The following PAQR9 variants were observed in gnomAD, a reference collection of about 807,000 sequenced individuals.
PAQR9 encodes the protein membrane progestin receptor epsilon.
Under a neutral mutation model 24.0 loss-of-function variants are expected in PAQR9, and 12 were observed. The observed-to-expected ratio is 0.50, with a 90% CI of 0.32 to 0.81. PAQR9 has a LOEUF of 0.81. Among genes scored for constraint, PAQR9 ranks in the 30% least tolerant of loss-of-function variants. PAQR9 has a pLI of 0.03. For synonymous variants in PAQR9, 266 were observed against 237.6 expected, an observed-to-expected ratio of 1.12 and a Z score of -1.10; for missense variants, 418 against 520.8, an observed-to-expected ratio of 0.80 and a Z score of 1.92.
At position 142,960,552 on chromosome 3, in the gene PAQR9, CA is replaced by C. The variant is rs1255064570; in HGVS notation, c.*1650del. 6.6e-6 allele frequency: 1 copy of C among 152,356 alleles called. No individual in the cohort carries two copies. The highest frequency in any genetic ancestry group is 1.5e-5 in the Non-Finnish European group (1 of 68,094). 9.4% of individuals were successfully genotyped at this position (152,356 alleles called of 1,614,324 possible). A position where few individuals can be genotyped will look rare whatever the true frequency, so the allele number is the denominator to read the frequency against. On this transcript the variant is annotated 3_prime_UTR_variant, in exon 1 of 1. Transcript: ENST00000340634. ...CTCCTGCTGAGCCAGTAAAGGCACACATGTCTCCAAACAAAACAAAACAAAA... is the reference window on the plus strand; with the variant it reads ...CTCCTGCTGAGCCAGTAAAGGCACACTGTCTCCAAACAAAACAAAACAAAA...
At chr3:142,953,070 C>T (rs551858080), downstream of PAQR9, among the ~76,000 whole-genome samples, 1 of 152,320 alleles carries the variant, frequency 6.6e-6, no homozygotes, top group African/African-American at 2.4e-5. Flanking sequence ...ACTCATTCCA[C>T]TACCAGCTTG....
At position 142,962,526 on chromosome 3, in the gene PAQR9, G is replaced by T. The variant is rs1051283155; in HGVS notation, c.811C>A (p.Pro271Thr). 1.2e-6 allele frequency: 2 copies of T among 1,613,546 alleles called. No individual in the cohort carries two copies. Among genetic ancestry groups the T allele is most frequent in the Admixed American group, 1.7e-5 (1 of 60,022 alleles). ...SWLFDLRGEN[P>T]TLFVHFYRRY... ...CGGTAGAAGTGCACGAAGAGTGTGG[G>T]GTTCTCCCCACGCAGGTCGAAGAGC... The change falls in exon 1 of 1, where the codon CCC becomes ACC. Residue 271 changes from proline (P) to threonine (T), a missense_variant. Pro to Thr is a conservative substitution (Grantham distance 38, BLOSUM62 -1). Coordinates refer to ENST00000340634, the MANE Select transcript of PAQR9 (RefSeq NM_198504.4).
At position 142,962,785 on chromosome 3, in the gene PAQR9, A is replaced by C; in HGVS notation, c.552T>G (p.Asp184Glu). 2 of 1,612,584 alleles carry C rather than the reference A, an allele frequency of 1.2e-6. No individual in the cohort carries two copies. Among genetic ancestry groups the C allele is most frequent in the Non-Finnish European group, 1.7e-6 (2 of 1,179,648 alleles). Residue 184 changes from aspartate to glutamate, a missense_variant, in exon 1 of 1, where the codon GAT becomes GAG. Transcript: ENST00000340634. ...GCAAGTATGGAGTCATGACTCTGGC[A>C]TCCAGCAAGCTGAGGCCTGGCAACA... ...YYLLPGLSLL[D>E]ARVMTPYLQQ...
In PAQR9 at chr3:142,960,727, TA is replaced by T. The variant is rs1165956862; in HGVS notation, c.*1475del. On this transcript the variant is annotated 3_prime_UTR_variant, in exon 1 of 1. Coordinates refer to ENST00000340634, the MANE Select transcript of PAQR9 (RefSeq NM_198504.4). ...TTAGCATTTGTAAGAAATGTCTAAA[TA>T]ACATTGGCTAATCTGTTTGTTAGAA... is the stretch of plus-strand genomic sequence containing the variant. 6.6e-6 allele frequency: 1 copy of T among 152,272 alleles called. No individual in the cohort carries two copies. Among genetic ancestry groups the T allele is most frequent in the Non-Finnish European group, 1.5e-5 (1 of 68,056 alleles). 9.4% of individuals were successfully genotyped at this position (152,272 alleles called of 1,614,324 possible).
Position 142,963,459 on chromosome 3 carries a change from T to A in PAQR9, c.-123A>T. On this transcript the variant is annotated 5_prime_UTR_variant, in exon 1 of 1. Coordinates refer to ENST00000340634, the MANE Select transcript of PAQR9 (RefSeq NM_198504.4). ...CCACGCCGGGGGCGTCGCTGCAGGT[T>A]TAGGAGAAGACCCGTGCCTCCGAGC... 2 of 1,043,902 alleles carry A rather than the reference T, an allele frequency of 1.9e-6. No homozygotes were observed. The highest frequency in any genetic ancestry group is 2.3e-6 in the Non-Finnish European group (2 of 870,456). The allele number at this position is 1,043,902 out of a possible 1,614,324, so 64.7% of individuals were successfully genotyped here. A position where few individuals can be genotyped will look rare whatever the true frequency, so the allele number is the denominator to read the frequency against.
rs1309192988 is a variant in PAQR9 at position 142,956,280 on chromosome 3, T to C, written c.*5923A>G. On this transcript the variant is annotated 3_prime_UTR_variant, in exon 1 of 1. Coordinates refer to ENST00000340634, the MANE Select transcript of PAQR9 (RefSeq NM_198504.4). ...GTGTACTGGGAGAAGCAGGGCCATC[T>C]TTACAGCACGGCCAAATGACCACCT... 6.6e-6 allele frequency among the ~76,000 whole-genome samples: 1 copy of C among 152,178 alleles called. No individual in the cohort carries two copies. The highest frequency in any genetic ancestry group is 1.5e-5 in the Non-Finnish European group (1 of 68,030).
In PAQR9 at chr3:142,957,608, C is replaced by T. The variant is rs140744911; in HGVS notation, c.*4595G>A. 1.5e-4 allele frequency among the ~76,000 whole-genome samples: 23 copies of T among 152,258 alleles called. No homozygotes were observed. The East Asian group carries it at 4.4e-3, about 29-fold the overall frequency. ...TTTATTACACTATAAAATTCAGACA[C>T]TTAAAGACATCTCAATTTAGGCACT... On this transcript the variant is annotated 3_prime_UTR_variant, in exon 1 of 1. Coordinates refer to ENST00000340634, the MANE Select transcript of PAQR9 (RefSeq NM_198504.4).
chr3:142,951,990 T>C (rs1439091319), downstream of PAQR9, among the ~76,000 whole-genome samples: 1 of 128,770 alleles, frequency 7.8e-6, no homozygotes, highest in Non-Finnish European at 1.6e-5. Context: ...GAGTGGGAGG[T>C]ACGAAAACAA....
chr3:142,962,970 A>C lies in PAQR9; in HGVS notation c.367T>G (p.Trp123Gly). ...AGCAGCACTCCCGACGCGTAGCACC[A>C]CAACGGTAGCAGCCACGGGTGGTGG... Reference protein sequence around the residue: ...PFHHPWLLPLWCYASGVLLTF... With the variant: ...PFHHPWLLPLGCYASGVLLTF... The change falls in exon 1 of 1, where the codon TGG becomes GGG. Residue 123 changes from tryptophan (W) to glycine (G), a missense_variant. Transcript: ENST00000340634. 1.2e-6 allele frequency: 2 copies of C among 1,614,084 alleles called. No homozygotes were observed. Among genetic ancestry groups the C allele is most frequent in the Non-Finnish European group, 1.7e-6 (2 of 1,180,010 alleles).
In PAQR9 at chr3:142,961,516, T is replaced by C. The variant is rs1934889417; in HGVS notation, c.*687A>G. 1 of 152,800 alleles carries C rather than the reference T, an allele frequency of 6.5e-6. No individual in the cohort carries two copies. Among genetic ancestry groups the C allele is most frequent in the Non-Finnish European group, 1.5e-5 (1 of 68,180 alleles). 9.5% of individuals were successfully genotyped at this position (152,800 alleles called of 1,614,324 possible). On this transcript the variant is annotated 3_prime_UTR_variant, in exon 1 of 1. Coordinates refer to ENST00000340634, the MANE Select transcript of PAQR9 (RefSeq NM_198504.4). ...AACTCTCAAGCAGCTTCCCCTGATG[T>C]CCAGTTCAAGTGTATGCAATGCAGA...
Position 142,961,156 on chromosome 3 carries a change from T to C in PAQR9, c.*1047A>G, listed in dbSNP as rs80306985. Reference sequence around the variant, plus strand: ...CCCTCCTGGATGGACCATGAAACCTTGATTTTCAGTCAGGTAAGAAAAGCT... The same window carrying C: ...CCCTCCTGGATGGACCATGAAACCTCGATTTTCAGTCAGGTAAGAAAAGCT... On this transcript the variant is annotated 3_prime_UTR_variant, in exon 1 of 1. Coordinates refer to ENST00000340634, the MANE Select transcript of PAQR9 (RefSeq NM_198504.4). 6,527 of 152,664 alleles carry C rather than the reference T, an allele frequency of 0.043. 329 individuals carry two copies. The highest frequency in any genetic ancestry group is 0.23 in the East Asian group (1,193 of 5,178). The allele number at this position is 152,664 out of a possible 1,614,324, so 9.5% of individuals were successfully genotyped here. A position where few individuals can be genotyped will look rare whatever the true frequency, so the allele number is the denominator to read the frequency against.
Position 142,963,599 on chromosome 3 carries a change from A to G in PAQR9, c.-263T>C. The G allele has an allele frequency of 1.2e-6, 1 of 853,918 alleles. No individual in the cohort carries two copies. Among genetic ancestry groups the G allele is most frequent in the Non-Finnish European group, 1.4e-6 (1 of 711,420 alleles). The allele number at this position is 853,918 out of a possible 1,614,324, so 52.9% of individuals were successfully genotyped here. On this transcript the variant is annotated 5_prime_UTR_variant, in exon 1 of 1. Coordinates refer to ENST00000340634, the MANE Select transcript of PAQR9 (RefSeq NM_198504.4). ...GCGGCTTCCTCGCCAAGCCCCTGCT[A>G]CCGGCGCGCGGCCGCCCGCGCTGCG... is the stretch of plus-strand genomic sequence containing the variant.
chr3:142,963,721 G>T, upstream of PAQR9: 1 of 796,792 alleles, frequency 1.3e-6, no homozygotes, highest in Non-Finnish European at 1.5e-6. Context: ...CCCCCGGAGC[G>T]GGAGGTGGGG....
downstream of PAQR9, chr3:142,951,546 G>T (rs1435345521): frequency 5.4e-6 from 2 of 367,410 alleles, no homozygotes; most frequent in African/African-American, 4.3e-5. Flanking sequence ...GCAGACAACA[G>T]AATCTACTGA....
rs1203797770 is a variant in PAQR9, at chr3:142,955,456, A to T, written c.*6747T>A. ...TCTATACAAATTAAAAAAAAAAAAA[A>T]AAAAAAAAAAAAAAAAAAAAAGCAG... On this transcript the variant is annotated 3_prime_UTR_variant, in exon 1 of 1. Transcript: ENST00000340634. 7.1e-6 allele frequency among the ~76,000 whole-genome samples: 1 copy of T among 141,670 alleles called. No homozygotes were observed. The highest frequency in any genetic ancestry group is 1.5e-5 in the Non-Finnish European group (1 of 65,954). 92.9% of individuals were successfully genotyped at this position (141,670 alleles called of 152,430 possible).
At position 142,954,637 on chromosome 3, in the gene PAQR9, T is replaced by C. The variant is rs1170443824; in HGVS notation, c.*7566A>G. On this transcript the variant is annotated 3_prime_UTR_variant, in exon 1 of 1. Transcript: ENST00000340634. Reference sequence around the variant, plus strand: ...TCATACATTTGTTTTTCAGCAAAAATGCATAGTCATATTATTTACACAGAA... The same window carrying C: ...TCATACATTTGTTTTTCAGCAAAAACGCATAGTCATATTATTTACACAGAA... Among the ~76,000 whole-genome samples the C allele has an allele frequency of 6.6e-6, 1 of 152,190 alleles. No individual in the cohort carries two copies. Among genetic ancestry groups the C allele is most frequent in the Non-Finnish European group, 1.5e-5 (1 of 68,022 alleles).
rs774014710 is a variant in PAQR9 at position 142,962,687 on chromosome 3, G to T, written c.650C>A (p.Ala217Asp). The change falls in exon 1 of 1, where the codon GCC becomes GAC. Residue 217 changes from alanine (A) to aspartate (D), a missense_variant. Ala to Asp is a moderately radical substitution (Grantham distance 126). This residue lies in a region of PAQR9 where 230 missense variants were observed against 305.2 expected (regional missense o/e 0.75). Transcript: ENST00000340634. Reference sequence around the variant, plus strand: ...AGTGCAAGCCACCGCCAGCACGAAGGCCACAGGCAGCACCAGGGCGCGGTA... The same window carrying T: ...AGTGCAAGCCACCGCCAGCACGAAGTCCACAGGCAGCACCAGGGCGCGGTA... ...AAYRALVLPV[A>D]FVLAVACTVA... 6.2e-7 allele frequency: 1 copy of T among 1,612,682 alleles called. No homozygotes were observed. The highest frequency in any genetic ancestry group is 2.2e-5 in the East Asian group (1 of 44,864).
chr3:142,953,033 A>T (rs1934740160), downstream of PAQR9, among the ~76,000 whole-genome samples: 1 of 152,168 alleles, frequency 6.6e-6, no homozygotes, highest in Non-Finnish European at 1.5e-5. Flanking sequence ...GTAGACAGAG[A>T]TCTTCCCAGC....
Position 142,963,657 on chromosome 3 carries a change from A to T in PAQR9, c.-321T>A. 3 of 618,586 alleles carry T rather than the reference A, an allele frequency of 4.8e-6. No individual in the cohort carries two copies. The highest frequency in any genetic ancestry group is 6.0e-6 in the Non-Finnish European group (3 of 497,346). 38.3% of individuals were successfully genotyped at this position (618,586 alleles called of 1,614,324 possible). On this transcript the variant is annotated 5_prime_UTR_variant, in exon 1 of 1. Transcript: ENST00000340634. ...CGGCGGCGCGGCTGACTGCGGCGGC[A>T]GCGCGGCAGCGGTGACTGGGCATCG...
Sources: allele counts gnomAD v4.1 joint callset (sites outside exome capture counted in the v4.1 genomes callset), GRCh38; gene constraint gnomAD v4.1.1; regional missense constraint gnomAD v4.1.1; transcripts MANE v1.5; gene names NCBI Gene and HGNC (gene_info 2026-07-23, HGNC 2026-07-21).